The following ARHGEF7 variants were observed in gnomAD, a reference collection of about 807,000 sequenced individuals.
ARHGEF7 encodes the protein PAK-interacting exchange factor beta.
In ARHGEF7, 33 loss-of-function variants were observed where a neutral mutation model predicts 109.8. The ratio of observed to expected loss-of-function variants is 0.30; its 90% CI spans 0.23 to 0.40. The LOEUF (loss-of-function observed/expected upper bound fraction) is 0.40, where lower values mean the gene tolerates loss of function less well. ARHGEF7 is among the 10% of genes least tolerant of loss of function. The probability of loss-of-function intolerance (pLI) is 1.00; values close to 1 mark genes in which losing one functional copy is unlikely to be tolerated. For missense variants in ARHGEF7, 938 were observed against 1,098.5 expected (o/e 0.85, Z 2.07); for synonymous variants, 458 against 424.6 (o/e 1.08, Z -0.97).
intron 16 of ARHGEF7, among the ~76,000 whole-genome samples, chr13:111,284,185 G>T: frequency 6.6e-6 from 1 of 152,118 alleles, no homozygotes; most frequent in East Asian, 1.9e-4. Flanking sequence ...CCGTTGGTGG[G>T]GTGTGAGTGA....
intron 2 of ARHGEF7, among the ~76,000 whole-genome samples, chr13:111,194,829 A>G (rs2080304992): frequency 6.6e-6 from 1 of 152,236 alleles, no homozygotes; most frequent in Non-Finnish European, 1.5e-5. Flanking sequence ...CTCAAAGGCA[A>G]AGAGAAACTG....
intron 19 of ARHGEF7, among the ~76,000 whole-genome samples, chr13:111,296,226 C>G (rs1277847435): frequency 1.3e-5 from 2 of 150,584 alleles, no homozygotes; most frequent in African/African-American, 4.9e-5. Context: ...TTCCATAGTT[C>G]TCTAGAGATG....
intron 19 of ARHGEF7, 60 bp downstream of exon 19, chr13:111,292,354 A>T: frequency 6.2e-7 from 1 of 1,600,776 alleles, no homozygotes. Flanking sequence ...GCTTTTCTTA[A>T]CAAATGCTTG....
At position 111,273,999 on chromosome 13, in the gene ARHGEF7, T is replaced by A; in HGVS notation, c.1212+47T>A. The stretch of plus-strand genomic sequence containing the variant: ...ACTTGGAGTCCTTACCAAGGGTTAG[T>A]GGCATGGTCAGACTTACTGTGAAAG... On this transcript the variant is annotated intron_variant, in intron 10 of 21. Coordinates refer to ENST00000646102, the MANE Select transcript of ARHGEF7 (RefSeq NM_001354046.2). The surrounding 1 kb of genome is among the most constrained non-coding windows in gnomAD (Gnocchi z 4.5). The A allele has an allele frequency of 6.2e-7, 1 of 1,600,676 alleles. No individual in the cohort carries two copies.
At chr13:111,179,765 G>A (rs1437931198) in intron 2 of ARHGEF7, among the ~76,000 whole-genome samples, 1 of 152,148 alleles carries the variant, frequency 6.6e-6, no homozygotes, top group Non-Finnish European at 1.5e-5. Context: ...AAGAATCCAG[G>A]CTTGTTAGTG....
intron 2 of ARHGEF7, among the ~76,000 whole-genome samples, chr13:111,184,302 T>G (rs1594418606): frequency 6.6e-6 from 1 of 152,304 alleles, no homozygotes. Context: ...TTACCCAGCC[T>G]TGGGTATTTC....
chr13:111,236,891 G>A (rs957207451), intron 6 of ARHGEF7, among the ~76,000 whole-genome samples: 7 of 152,116 alleles, frequency 4.6e-5, no homozygotes, highest in African/African-American at 1.7e-4. Context: ...CTTGAGCCCT[G>A]GAGTTTGAGG....
At chr13:111,264,076 A>T (rs1440801345) in intron 8 of ARHGEF7, among the ~76,000 whole-genome samples, 3 of 152,228 alleles carry the variant, frequency 2.0e-5, no homozygotes, top group African/African-American at 7.2e-5. Context: ...AGCTGTTCAC[A>T]GTTGGAAATG....
chr13:111,178,822 T>C (rs141549694), intron 2 of ARHGEF7, among the ~76,000 whole-genome samples: 3 of 152,288 alleles, frequency 2.0e-5, no homozygotes, highest in East Asian at 3.9e-4. Flanking sequence ...CTTTAAGAAA[T>C]GTCGGGCCGG....
chr13:111,207,308 G>A (rs1395577245), intron 3 of ARHGEF7, among the ~76,000 whole-genome samples: 1 of 152,184 alleles, frequency 6.6e-6, no homozygotes, highest in Non-Finnish European at 1.5e-5. Flanking sequence ...AGCTGGGTCT[G>A]CAGGTGTGTG....
At chr13:111,268,505 GTATT>G in intron 9 of ARHGEF7, among the ~76,000 whole-genome samples, 1 of 152,342 alleles carries the variant, frequency 6.6e-6, no homozygotes, top group Non-Finnish European at 1.5e-5. Context: ...TCTAACTTAA[GTATT>G]TAACTTCAGC....
chr13:111,221,020 C>G (rs1484356275), intron 5 of ARHGEF7, among the ~76,000 whole-genome samples: 2 of 147,472 alleles, frequency 1.4e-5, no homozygotes, highest in Non-Finnish European at 3.0e-5. Flanking sequence ...ATTATATATA[C>G]ATGTTATATA....
intron 4 of ARHGEF7, among the ~76,000 whole-genome samples, chr13:111,215,357 C>G (rs2082995289): frequency 7.2e-6 from 1 of 139,264 alleles, no homozygotes; most frequent in Non-Finnish European, 1.6e-5. Flanking sequence ...CTGTGTGTCT[C>G]TAAATAAAGT....
chr13:111,143,601 C>T (rs762532556), intron 1 of ARHGEF7: 4 of 152,240 alleles, frequency 2.6e-5, no homozygotes, highest in South Asian at 2.1e-4. Flanking sequence ...AATTATTCCA[C>T]GTGAACAGGT....
intron 2 of ARHGEF7, 34 bp downstream of exon 2, chr13:111,154,025 C>T (rs1405460561): frequency 6.3e-7 from 1 of 1,580,860 alleles, no homozygotes; most frequent in East Asian, 2.4e-5. Context: ...GAGGGAGGGG[C>T]CGGGAAGACG....
intron 2 of ARHGEF7, among the ~76,000 whole-genome samples, chr13:111,187,651 T>G (rs778121316): frequency 5.9e-5 from 9 of 152,226 alleles, no homozygotes; most frequent in Non-Finnish European, 1.2e-4. Flanking sequence ...GTAGTTTGCT[T>G]TGCTGTTTTT....
At chr13:111,217,116 TAATA>T (rs962362273) in intron 4 of ARHGEF7, among the ~76,000 whole-genome samples, 3 of 152,224 alleles carry the variant, frequency 2.0e-5, no homozygotes, top group African/African-American at 4.8e-5. Context: ...AAGTTAACTG[TAATA>T]AATATGTCTT....
intron 2 of ARHGEF7, among the ~76,000 whole-genome samples, chr13:111,193,718 C>T (rs1263765202): frequency 1.3e-5 from 2 of 152,200 alleles, no homozygotes; most frequent in African/African-American, 4.8e-5. Context: ...CTAACTATGG[C>T]ATAACCTGCC....
At chr13:111,180,803 A>G (rs2078661046) in intron 2 of ARHGEF7, among the ~76,000 whole-genome samples, 1 of 152,344 alleles carries the variant, frequency 6.6e-6, no homozygotes, top group Non-Finnish European at 1.5e-5. Flanking sequence ...ATGGGGAACT[A>G]TATACTGTAG....
Sources: gnomAD v4.1 joint callset for allele counts (sites outside exome capture counted in the v4.1 genomes callset) on GRCh38, gnomAD v4.1.1 for gene constraint, Gnocchi (gnomAD v3.1) non-coding constraint, MANE v1.5 for transcripts, NCBI Gene and HGNC (gene_info 2026-07-23, HGNC 2026-07-21) for gene names.